CCDC117: variants seen among roughly 807,000 people sequenced by gnomAD.
The protein encoded by CCDC117 is coiled-coil domain containing 117, also known as coiled-coil domain-containing protein 117.
CCDC117 carries 1 observed loss-of-function variant against 23.5 expected under a neutral mutation model. The observed-to-expected ratio is 0.04, with a 90% CI of 0.02 to 0.20. CCDC117 has a LOEUF of 0.20. CCDC117 is among the 10% of genes least tolerant of loss of function. CCDC117 has a pLI of 1.00. For synonymous variants in CCDC117, 132 were observed against 124.8 expected (o/e 1.06, Z -0.39); for missense variants, 383 against 348.2 (o/e 1.10, Z -0.80).
chr22:28,774,314 G>A (rs1230042613), intron 2 of CCDC117, among the ~76,000 whole-genome samples: 2 of 148,878 alleles, frequency 1.3e-5, no homozygotes, highest in East Asian at 4.0e-4. Flanking sequence ...TGATCCTCCC[G>A]CCTCAGCCTC....
intron 4 of CCDC117, among the ~76,000 whole-genome samples, chr22:28,784,855 C>T (rs2031461478): frequency 6.6e-6 from 1 of 151,720 alleles, no homozygotes; most frequent in Non-Finnish European, 1.5e-5. Context: ...ACTGCAAGCT[C>T]CGCCTCCCGG....
At chr22:28,784,361 G>A (rs542738721) in intron 4 of CCDC117, among the ~76,000 whole-genome samples, 51 of 152,340 alleles carry the variant, frequency 3.3e-4, no homozygotes, top group African/African-American at 1.2e-3. Flanking sequence ...CCTGTAGTCC[G>A]TGAAGCCTCC....
chr22:28,778,453 C>A (rs777783955), intron 2 of CCDC117, among the ~76,000 whole-genome samples: 11 of 152,004 alleles, frequency 7.2e-5, no homozygotes, highest in Non-Finnish European at 1.5e-4. Context: ...CTTAAAAATA[C>A]AAAAGTCAGC....
In CCDC117 at chr22:28,774,099, C is replaced by T. The variant is rs1280519794; in HGVS notation, c.239+321C>T. 1.5e-4 allele frequency among the ~76,000 whole-genome samples: 22 copies of T among 145,810 alleles called. No individual in the cohort carries two copies. In the Admixed American group the frequency reaches 1.5e-3, roughly 10 times the overall value. On this transcript the variant is annotated intron_variant, in intron 2 of 4. Coordinates refer to ENST00000249064, the MANE Select transcript of CCDC117 (RefSeq NM_173510.4). ...TTTTTTTTTTTTGGGACGGAGTCTG[C>T]CTCTGTCGCCCAGGCTGGAGTGCAG...
At chr22:28,773,426 G>C in intron 1 of CCDC117, 1 of 373,000 alleles carries the variant, frequency 2.7e-6, no homozygotes, top group Non-Finnish European at 5.0e-6. Flanking sequence ...CTCTTAGTGA[G>C]ATTATTTAAA....
chr22:28,780,123 G>A (rs1256420537), intron 2 of CCDC117, among the ~76,000 whole-genome samples: 1 of 152,068 alleles, frequency 6.6e-6, no homozygotes, highest in Non-Finnish European at 1.5e-5. Context: ...TGGAGAAGCC[G>A]GGTTAGTTTT....
intron 3 of CCDC117, among the ~76,000 whole-genome samples, chr22:28,782,102 T>A (rs2031358873): frequency 6.6e-6 from 1 of 151,808 alleles, no homozygotes; most frequent in Non-Finnish European, 1.5e-5. Flanking sequence ...CACCCCTGGC[T>A]AATCTTCGTA....
In CCDC117 at chr22:28,783,314, T is replaced by C. The variant is rs138836183; in HGVS notation, c.465-194T>C. ...CCTCGGCCTCCCAAAGTGCTGGGATTACAGGTGTGAGCCACCACACCCGGC... is the reference window on the plus strand; with the variant it reads ...CCTCGGCCTCCCAAAGTGCTGGGATCACAGGTGTGAGCCACCACACCCGGC... On this transcript the variant is annotated intron_variant, in intron 3 of 4. Transcript: ENST00000249064. 1.2e-4 allele frequency among the ~76,000 whole-genome samples: 18 copies of C among 152,298 alleles called. No homozygotes were observed. The East Asian group carries it at 3.5e-3, about 29-fold the overall frequency.
chr22:28,778,166 G>T (rs2031224511), intron 2 of CCDC117, among the ~76,000 whole-genome samples: 2 of 152,196 alleles, frequency 1.3e-5, no homozygotes, highest in South Asian at 4.1e-4. Flanking sequence ...GTCCTGCCAG[G>T]AAATCTTTAT....
At chr22:28,776,191 T>C (rs1036369119) in intron 2 of CCDC117, among the ~76,000 whole-genome samples, 1 of 152,028 alleles carries the variant, frequency 6.6e-6, no homozygotes, top group Non-Finnish European at 1.5e-5. Context: ...GGTGGATTGC[T>C]TGAGCCCAGG....
rs1323758880 is a variant in CCDC117 at position 28,786,205 on chromosome 22, T to C, written c.719T>C (p.Val240Ala). ...ACAGGAGAGAGCCAAGCTAAGCATG[T>C]AGCTGCTGGCACTGCCTTCCCTCAG... ...NYTGESQAKH[V>A]AAGTAFPQRT... is the part of the protein sequence containing the mutation. Residue 240 changes from valine to alanine, a missense_variant, in exon 5 of 5, where the codon GTA becomes GCA. By Grantham distance (64) the Val-to-Ala change is moderately conservative (BLOSUM62 0). Coordinates refer to ENST00000249064, the MANE Select transcript of CCDC117 (RefSeq NM_173510.4). The C allele has an allele frequency of 6.2e-7, 1 of 1,614,138 alleles. No homozygotes were observed. Among genetic ancestry groups the C allele is most frequent in the East Asian group, 2.2e-5 (1 of 44,886 alleles).
At chr22:28,780,337 A>G (rs2031282075) in intron 2 of CCDC117, among the ~76,000 whole-genome samples, 1 of 152,196 alleles carries the variant, frequency 6.6e-6, no homozygotes, top group Admixed American at 6.6e-5. Flanking sequence ...CTGTAATATT[A>G]ATACTTTGAA....
At chr22:28,783,474 T>C in intron 3 of CCDC117, 34 bp from the exon 4 acceptor site, 9 of 1,588,552 alleles carry the variant, frequency 5.7e-6, no homozygotes, top group Non-Finnish European at 7.7e-6. Flanking sequence ...TGACTAAATA[T>C]TTTTTCTTTC....
chr22:28,781,355 T>G (rs2031325703), intron 3 of CCDC117, among the ~76,000 whole-genome samples, 183 bp downstream of exon 3: 2 of 15,958 alleles, frequency 1.3e-4, no homozygotes, highest in Non-Finnish European at 9.8e-5. Context: ...TTTTTTTTTT[T>G]TTTTTTTTTT....
chr22:28,787,145 A>G lies in CCDC117; in HGVS notation c.*819A>G, dbSNP rs6005881. On this transcript the variant is annotated 3_prime_UTR_variant, in exon 5 of 5. Coordinates refer to ENST00000249064, the MANE Select transcript of CCDC117 (RefSeq NM_173510.4). ...GGAAGTGCTTTATCAGCTAAACCCA[A>G]CATTGATAACTTTGGTAATTTTTTT... 0.43 allele frequency: 65,424 copies of G among 152,292 alleles called. 16,087 individuals are homozygous for G. Among genetic ancestry groups the G allele is most frequent in the East Asian group, 0.68 (3,486 of 5,158 alleles). 9.4% of individuals were successfully genotyped at this position (152,292 alleles called of 1,614,324 possible). A position where few individuals can be genotyped will look rare whatever the true frequency, so the allele number is the denominator to read the frequency against.
chr22:28,784,248 T>C (rs2031443142), intron 4 of CCDC117, among the ~76,000 whole-genome samples: 1 of 152,132 alleles, frequency 6.6e-6, no homozygotes, highest in African/African-American at 2.4e-5. Context: ...CAGGGAGCTG[T>C]GACTACACTG....
intron 3 of CCDC117, among the ~76,000 whole-genome samples, chr22:28,783,260 C>G (rs768295303): frequency 1.3e-5 from 2 of 151,654 alleles, no homozygotes; most frequent in East Asian, 2.0e-4. Context: ...AGGCTCTTCT[C>G]GAACTCCTAA....
intron 1 of CCDC117, chr22:28,773,464 G>T: frequency 1.9e-6 from 1 of 514,886 alleles, no homozygotes; most frequent in East Asian, 3.0e-5. Flanking sequence ...CGCCTGCCCC[G>T]AGGACGTTTC....
intron 3 of CCDC117, among the ~76,000 whole-genome samples, chr22:28,783,081 G>T (rs2146254078): frequency 6.6e-6 from 1 of 152,016 alleles, no homozygotes; most frequent in South Asian, 2.1e-4. Flanking sequence ...TTGCTCTGTT[G>T]CCCACGCTGG....
Sources: allele counts gnomAD v4.1 joint callset (sites outside exome capture counted in the v4.1 genomes callset), GRCh38; gene constraint gnomAD v4.1.1; transcripts MANE v1.5; gene names NCBI Gene and HGNC (gene_info 2026-07-23, HGNC 2026-07-21).